GPC6: variants seen among roughly 807,000 people sequenced by gnomAD.
GPC6 encodes glypican-6.
In GPC6, 14 loss-of-function variants were observed where a neutral mutation model predicts 55.2. The observed-to-expected ratio is 0.25, with a 90% confidence interval of 0.17 to 0.40. The LOEUF is 0.40. Among genes scored for constraint, GPC6 ranks in the 10% least tolerant of loss-of-function variants. The pLI is 1.00. For synonymous variants in GPC6, 278 were observed against 259.6 expected, an observed-to-expected ratio of 1.07 and a Z score of -0.68; for missense variants, 641 against 708.5, an observed-to-expected ratio of 0.90 and a Z score of 1.08.
chr13:93,251,806 G>T (rs1876794774), intron 1 of GPC6, among the ~76,000 whole-genome samples: 1 of 152,188 alleles, frequency 6.6e-6, no homozygotes, highest in African/African-American at 2.4e-5. Context: ...TTCTTTTTAT[G>T]ATGAGCTCTG....
chr13:94,046,388 C>A (rs532982073), intron 4 of GPC6, among the ~76,000 whole-genome samples: 1 of 152,122 alleles, frequency 6.6e-6, no homozygotes, highest in African/African-American at 2.4e-5. Flanking sequence ...TGAGGTCTTA[C>A]AAGAAGACCT....
intron 1 of GPC6, among the ~76,000 whole-genome samples, chr13:93,358,807 A>G (rs536894813): frequency 3.2e-4 from 48 of 152,218 alleles, no homozygotes; most frequent in Non-Finnish European, 5.9e-4. Flanking sequence ...ACGAGTGAAA[A>G]TGACTTCAGA....
At chr13:93,698,826 T>C (rs1420928031) in intron 2 of GPC6, among the ~76,000 whole-genome samples, 1 of 152,022 alleles carries the variant, frequency 6.6e-6, no homozygotes, top group Non-Finnish European at 1.5e-5. Context: ...TTCCTCCTCC[T>C]TCTTCCTTTT....
At chr13:94,155,939 T>G (rs1313923821) in intron 4 of GPC6, among the ~76,000 whole-genome samples, 1 of 152,060 alleles carries the variant, frequency 6.6e-6, no homozygotes, top group Non-Finnish European at 1.5e-5. Flanking sequence ...ACACTCCACA[T>G]TCACTCATTT....
chr13:94,110,852 T>C (rs1886220285), intron 4 of GPC6, among the ~76,000 whole-genome samples: 1 of 152,126 alleles, frequency 6.6e-6, no homozygotes, highest in African/African-American at 2.4e-5. Context: ...TTTGTGAAAA[T>C]GTACAAGAAT....
In GPC6 at chr13:93,493,434, T is replaced by C. The variant is rs1283560919; in HGVS notation, c.161-51829T>C. Among the ~76,000 whole-genome samples the C allele has an allele frequency of 4.9e-5, 5 of 101,458 alleles. No homozygotes were observed. The Admixed American group carries it at 5.1e-4, about 10-fold the overall frequency. The allele number at this position is 101,458 out of a possible 152,430, so 66.6% of individuals were successfully genotyped here. On this transcript the variant is annotated intron_variant, in intron 1 of 8. Coordinates refer to ENST00000377047, the MANE Select transcript of GPC6 (RefSeq NM_005708.5). ...CTCTTTTTTTCTTTATTAGTCTTGC[T>C]AGCGGTCTATCAATTTTGTTGATCC...
chr13:93,987,737 ATC>A (rs1881096362), intron 3 of GPC6, among the ~76,000 whole-genome samples: 1 of 152,094 alleles, frequency 6.6e-6, no homozygotes, highest in East Asian at 1.9e-4. Flanking sequence ...CTTCCTAATC[ATC>A]TGTTTGAAAG....
intron 4 of GPC6, among the ~76,000 whole-genome samples, chr13:94,134,199 T>C (rs893180311): frequency 6.6e-6 from 1 of 152,166 alleles, no homozygotes; most frequent in Non-Finnish European, 1.5e-5. Flanking sequence ...ATTACTAAAT[T>C]TAGTTAAAGG....
At chr13:94,096,380 C>T (rs1391713614) in intron 4 of GPC6, among the ~76,000 whole-genome samples, 2 of 151,558 alleles carry the variant, frequency 1.3e-5, no homozygotes, top group East Asian at 3.9e-4. Flanking sequence ...AAGATTCTAG[C>T]TACAATGCTT....
intron 1 of GPC6, among the ~76,000 whole-genome samples, chr13:93,529,942 TGAA>T (rs1881801451): frequency 6.6e-6 from 1 of 152,134 alleles, no homozygotes; most frequent in Non-Finnish European, 1.5e-5. Context: ...AATAAATAAA[TGAA>T]GAAAGTGAGA....
At chr13:93,690,686 T>C (rs1882228311) in intron 2 of GPC6, among the ~76,000 whole-genome samples, 1 of 152,102 alleles carries the variant, frequency 6.6e-6, no homozygotes, top group Non-Finnish European at 1.5e-5. Context: ...AATTTCATTC[T>C]CTATGTTAAA....
At chr13:93,678,700 C>T (rs1373688634) in intron 2 of GPC6, among the ~76,000 whole-genome samples, 1 of 152,152 alleles carries the variant, frequency 6.6e-6, no homozygotes, top group Non-Finnish European at 1.5e-5. Context: ...GGAAATTCTA[C>T]CCTATAGCTG....
chr13:94,356,184 G>T (rs1217404894), intron 6 of GPC6, among the ~76,000 whole-genome samples: 3 of 152,156 alleles, frequency 2.0e-5, no homozygotes, highest in Non-Finnish European at 4.4e-5. Flanking sequence ...TCTTTATCCA[G>T]TCTATCCTTG....
chr13:93,915,152 C>A (rs1360782336), intron 3 of GPC6, among the ~76,000 whole-genome samples: 1 of 152,150 alleles, frequency 6.6e-6, no homozygotes, highest in Admixed American at 6.5e-5. Context: ...TCTTTCTCTG[C>A]CAAACTAGTG....
rs1170593409 is a variant in GPC6 at position 94,368,181 on chromosome 13, C to T, written c.1153-14233C>T. On this transcript the variant is annotated intron_variant, in intron 6 of 8. Coordinates refer to ENST00000377047, the MANE Select transcript of GPC6 (RefSeq NM_005708.5). Reference sequence around the variant, plus strand: ...AAAAAAAAAAAGTACCACACCACCGCGAAAATATATGTCATGTGGAAACAG... The same window carrying T: ...AAAAAAAAAAAGTACCACACCACCGTGAAAATATATGTCATGTGGAAACAG... Among the ~76,000 whole-genome samples the T allele has an allele frequency of 4.0e-5, 6 of 150,006 alleles. No homozygotes were observed. The East Asian group carries it at 5.9e-4, about 15-fold the overall frequency.
At chr13:93,266,709 C>T (rs1455323546) in intron 1 of GPC6, among the ~76,000 whole-genome samples, 2 of 152,102 alleles carry the variant, frequency 1.3e-5, no homozygotes, top group African/African-American at 4.8e-5. Context: ...GACTGTTATT[C>T]AGTTAAATAT....
chr13:94,019,426 T>C (rs573131566), intron 3 of GPC6, among the ~76,000 whole-genome samples: 1 of 152,286 alleles, frequency 6.6e-6, no homozygotes, highest in Admixed American at 6.5e-5. Flanking sequence ...GAAATCAGAT[T>C]GTCAGAAGCC....
chr13:93,554,081 G>A (rs991543572), intron 2 of GPC6, among the ~76,000 whole-genome samples: 9 of 151,444 alleles, frequency 5.9e-5, no homozygotes, highest in African/African-American at 2.2e-4. Flanking sequence ...CCAGAAGATG[G>A]AGGTTGCAGT....
chr13:93,866,671 G>C (rs1413834545), intron 3 of GPC6, among the ~76,000 whole-genome samples: 1 of 151,710 alleles, frequency 6.6e-6, no homozygotes, highest in African/African-American at 2.4e-5. Context: ...TAAATGATGA[G>C]AACACATGGA....
Sources: allele counts gnomAD v4.1 joint callset (sites outside exome capture counted in the v4.1 genomes callset), GRCh38; gene constraint gnomAD v4.1.1; transcripts MANE v1.5; gene names NCBI Gene and HGNC (gene_info 2026-07-23, HGNC 2026-07-21).